SYN3: variants seen among roughly 807,000 people sequenced by gnomAD.
SYN3 encodes synapsin-3.
A neutral mutation model predicts 65.8 loss-of-function variants in SYN3; 35 were observed. The ratio of observed to expected loss-of-function variants is 0.53; its 90% CI spans 0.41 to 0.70. SYN3 has a LOEUF of 0.70. Among genes scored for constraint, SYN3 ranks in the 30% least tolerant of loss-of-function variants. SYN3 has a pLI of 0.00. For synonymous variants in SYN3, 270 were observed against 292.9 expected, an observed-to-expected ratio of 0.92 and a Z score of 0.80; for missense variants, 680 against 749.0, an observed-to-expected ratio of 0.91 and a Z score of 1.08.
intron 6 of SYN3, among the ~76,000 whole-genome samples, chr22:32,814,339 G>GAAAGAAAGGAAGAAAGGA (rs369652077): frequency 2.9e-4 from 3 of 10,350 alleles, no homozygotes; most frequent in Admixed American, 1.4e-3. Context: ...AAGAAAGAAA[G>GAAAGAAAGGAAGAAAGGA]AGAAAGAAAG....
chr22:33,033,497 T>C (rs1393970032), intron 1 of SYN3, among the ~76,000 whole-genome samples: 2 of 152,122 alleles, frequency 1.3e-5, no homozygotes, highest in African/African-American at 4.8e-5. Context: ...TCTTCCATTA[T>C]CCCACGGTAT....
At chr22:32,606,851 A>ATTAT (rs994821327) in intron 6 of SYN3, among the ~76,000 whole-genome samples, 3 of 151,176 alleles carry the variant, frequency 2.0e-5, no homozygotes, top group South Asian at 2.1e-4. Flanking sequence ...TTAAAAAATA[A>ATTAT]TTATTTATTT....
chr22:32,572,367 C>CTTCCTTCCT (rs2058778703), intron 7 of SYN3, among the ~76,000 whole-genome samples: 1 of 99,924 alleles, frequency 1.0e-5, no homozygotes, highest in African/African-American at 4.8e-5. Context: ...ACTTCCCTTC[C>CTTCCTTCCT]ACCCTCCCTC....
At chr22:32,803,864 G>A (rs559883856) in intron 6 of SYN3, among the ~76,000 whole-genome samples, 2 of 152,280 alleles carry the variant, frequency 1.3e-5, no homozygotes, top group East Asian at 3.9e-4. Context: ...TGTAGTGGGA[G>A]TAGGTCCCCA....
At chr22:32,587,520 T>C (rs2059066491) in intron 7 of SYN3, among the ~76,000 whole-genome samples, 1 of 152,146 alleles carries the variant, frequency 6.6e-6, no homozygotes, top group African/African-American at 2.4e-5. Flanking sequence ...GCGGGGAACC[T>C]TTTGATTTCT....
chr22:32,675,508 T>G (rs2060427445), intron 6 of SYN3, among the ~76,000 whole-genome samples: 1 of 152,136 alleles, frequency 6.6e-6, no homozygotes, highest in Non-Finnish European at 1.5e-5. Context: ...TGGCATCTGG[T>G]GTGCTGGGCT....
At chr22:32,522,571 G>A (rs879259443) in intron 12 of SYN3, among the ~76,000 whole-genome samples, 14 of 152,026 alleles carry the variant, frequency 9.2e-5, no homozygotes, top group East Asian at 3.9e-4. Flanking sequence ...CTGGGTAACG[G>A]GGCACTGCAT....
In SYN3 at chr22:32,513,065, A is replaced by T. The variant is rs2057711098; in HGVS notation, c.*627T>A. The T allele has an allele frequency of 6.6e-6, 1 of 152,288 alleles. No homozygotes were observed. Among genetic ancestry groups the T allele is most frequent in the African/African-American group, 2.4e-5 (1 of 41,360 alleles). 9.4% of individuals were successfully genotyped at this position (152,288 alleles called of 1,614,324 possible). On this transcript the variant is annotated 3_prime_UTR_variant, in exon 14 of 14. Transcript: ENST00000358763. Reference sequence around the variant, plus strand: ...CGTGTTCTGAAAGACCCCACTTGTCATACAGGGTCTGGTTTCTTTCTTGGC... The same window carrying T: ...CGTGTTCTGAAAGACCCCACTTGTCTTACAGGGTCTGGTTTCTTTCTTGGC...
chr22:32,866,299 G>C (rs1347835659), intron 5 of SYN3, among the ~76,000 whole-genome samples: 1 of 152,146 alleles, frequency 6.6e-6, no homozygotes, highest in Non-Finnish European at 1.5e-5. Flanking sequence ...ACCCAAGATT[G>C]GTCTGCAAAC....
intron 3 of SYN3, among the ~76,000 whole-genome samples, chr22:32,954,288 T>C (rs2051380027): frequency 6.6e-6 from 1 of 152,040 alleles, no homozygotes; most frequent in Admixed American, 6.5e-5. Context: ...AAGGGGCCTT[T>C]AAGGGGAACA....
chr22:32,858,014 T>C (rs2146289356), intron 6 of SYN3: 1 of 1,614,130 alleles, frequency 6.2e-7, no homozygotes, highest in Non-Finnish European at 8.5e-7. Context: ...TTTCCTCCTG[T>C]AGGTCGCGTC....
intron 1 of SYN3, among the ~76,000 whole-genome samples, chr22:33,021,446 G>C (rs969155324): frequency 6.6e-6 from 1 of 152,166 alleles, no homozygotes; most frequent in South Asian, 2.1e-4. Flanking sequence ...TCTTGATGAC[G>C]TAGTGTTTCA....
chr22:32,843,195 T>C (rs1404870027), intron 6 of SYN3, among the ~76,000 whole-genome samples: 1 of 152,182 alleles, frequency 6.6e-6, no homozygotes, highest in Non-Finnish European at 1.5e-5. Flanking sequence ...CCTTACCAGC[T>C]TGCCATGAGG....
At position 32,527,980 on chromosome 22, in the gene SYN3, G is replaced by T; in HGVS notation, c.1256C>A (p.Ser419Tyr). The T allele has an allele frequency of 6.3e-7, 1 of 1,586,252 alleles. No individual in the cohort carries two copies. The highest frequency in any genetic ancestry group is 8.6e-7 in the Non-Finnish European group (1 of 1,164,974). ...PWAPQIKSAK[S>Y]PGQAQLGPQL... ...AGGCCCCAGCTGGGCTTGCCCTGGG[G>T]ATTTCGCTGATTTAATCTGTGGAGC... Residue 419 changes from serine (S) to tyrosine (Y), a missense_variant, in exon 12 of 14, where the codon TCC becomes TAC. Ser to Tyr is a moderately radical substitution (Grantham distance 144). Coordinates refer to ENST00000358763, the MANE Select transcript of SYN3 (RefSeq NM_003490.4).
intron 1 of SYN3, among the ~76,000 whole-genome samples, chr22:33,035,333 C>T (rs1046229807): frequency 3.6e-5 from 2 of 55,838 alleles, no homozygotes; most frequent in African/African-American, 9.6e-5. Context: ...TCTCGGGACC[C>T]CCCCCCCCCC....
In SYN3 at chr22:32,802,160, C is replaced by T. The variant is rs1270011964; in HGVS notation, c.711+62755G>A. Reference sequence around the variant, plus strand: ...GGTGCCCCGCCCGAGCCCCACGCTGCAGCCAGGACTGCAGCGCTGCTTAGG... The same window carrying T: ...GGTGCCCCGCCCGAGCCCCACGCTGTAGCCAGGACTGCAGCGCTGCTTAGG... On this transcript the variant is annotated intron_variant, in intron 6 of 13. Transcript: ENST00000358763. 7 of 1,563,148 alleles carry T rather than the reference C, an allele frequency of 4.5e-6. No homozygotes were observed. In the East Asian group the frequency reaches 1.6e-4, roughly 36 times the overall value.
chr22:32,846,421 G>A (rs559527208), intron 6 of SYN3, among the ~76,000 whole-genome samples: 1 of 152,352 alleles, frequency 6.6e-6, no homozygotes, highest in East Asian at 1.9e-4. Context: ...AAGATGGTAT[G>A]CCCTAAGATG....
intron 7 of SYN3, among the ~76,000 whole-genome samples, chr22:32,546,762 T>C (rs897259472): frequency 1.3e-5 from 2 of 151,898 alleles, no homozygotes; most frequent in African/African-American, 4.8e-5. Flanking sequence ...GATTCAAGAT[T>C]ACCCATTTGC....
At chr22:32,818,706 G>C (rs187275076) in intron 6 of SYN3, among the ~76,000 whole-genome samples, 300 of 152,282 alleles carry the variant, frequency 2.0e-3, no homozygotes, top group African/African-American at 6.7e-3. Flanking sequence ...ATTAACTGCA[G>C]TCAGAAAAGC....
Sources: gnomAD v4.1 joint callset for allele counts (sites outside exome capture counted in the v4.1 genomes callset) on GRCh38, gnomAD v4.1.1 for gene constraint, MANE v1.5 for transcripts, NCBI Gene and HGNC (gene_info 2026-07-23, HGNC 2026-07-21) for gene names.